The following FYB2 variants were observed in gnomAD, a reference collection of about 807,000 sequenced individuals.
FYB2 encodes the protein FYN binding protein 2.
FYB2 carries 103 observed loss-of-function variants against 94.1 expected under a neutral mutation model. That is an observed-to-expected ratio of 1.09 (90% CI 0.93 to 1.29). The LOEUF is 1.29. Ranked by LOEUF, FYB2 falls within the 50% of genes most tolerant of loss-of-function variation. The pLI, the probability that FYB2 is intolerant of heterozygous loss-of-function variation, is 0.00. For missense variants in FYB2, 896 were observed against 841.5 expected (o/e 1.06, Z -0.80); for synonymous variants, 293 against 287.9 (o/e 1.02, Z -0.18).
intron 1 of FYB2, among the ~76,000 whole-genome samples, chr1:56,800,713 C>G (rs1300118352): frequency 6.6e-6 from 1 of 152,132 alleles, no homozygotes; most frequent in Non-Finnish European, 1.5e-5. Flanking sequence ...TGCCCAGCCC[C>G]TGGCCAGTGC....
At chr1:56,763,684 C>G (rs143325225) in intron 5 of FYB2, among the ~76,000 whole-genome samples, 7 of 151,718 alleles carry the variant, frequency 4.6e-5, no homozygotes, top group Admixed American at 2.0e-4. Flanking sequence ...CCTTGCTAGA[C>G]GTTTATCAAT....
intron 8 of FYB2, 150 bp downstream of exon 8, chr1:56,753,689 T>C (rs1258722151): frequency 1.7e-6 from 1 of 603,034 alleles, no homozygotes; most frequent in South Asian, 2.2e-5. Context: ...CTTAGTGTCA[T>C]TGTTACATTT....
intron 3 of FYB2, 157 bp downstream of exon 3, chr1:56,788,816 T>G: frequency 9.4e-7 from 1 of 1,066,084 alleles, no homozygotes; most frequent in Non-Finnish European, 1.4e-6. Context: ...AGAGACATCG[T>G]TTCATGGGCA....
At chr1:56,760,501 C>A (rs368952990) in intron 5 of FYB2, among the ~76,000 whole-genome samples, 1 of 152,228 alleles carries the variant, frequency 6.6e-6, no homozygotes, top group Non-Finnish European at 1.5e-5. Context: ...GGTAATTGTA[C>A]ACTTATTAAT....
chr1:56,739,953 C>G (rs543000288), intron 13 of FYB2, among the ~76,000 whole-genome samples: 7 of 152,146 alleles, frequency 4.6e-5, no homozygotes, highest in African/African-American at 1.4e-4. Context: ...TGAGGTGCAC[C>G]TGAATATCTA....
chr1:56,723,985 C>A lies in FYB2; in HGVS notation c.1881-304G>T, dbSNP rs112420848. On this transcript the variant is annotated intron_variant, in intron 16 of 19. Coordinates refer to ENST00000343433, the MANE Select transcript of FYB2 (RefSeq NM_001004303.5). ...AATATTTTTGATGGCAAGATAATAA[C>A]GGGATAAAATCACATTGGTTAAACA... 3.3e-5 allele frequency among the ~76,000 whole-genome samples: 5 copies of A among 151,388 alleles called. No individual in the cohort carries two copies. In the East Asian group the frequency reaches 9.7e-4, roughly 29 times the overall value.
chr1:56,808,304 C>A (rs1358696217), intron 1 of FYB2, among the ~76,000 whole-genome samples: 1 of 152,146 alleles, frequency 6.6e-6, no homozygotes, highest in African/African-American at 2.4e-5. Flanking sequence ...TTCTAGTATA[C>A]TCCTACAGCC....
the FYB2 span, chr1:56,825,142 A>G: frequency 6.6e-6 from 1 of 152,216 alleles, no homozygotes; most frequent in Admixed American, 6.5e-5. Flanking sequence ...GTGGCAGTTA[A>G]TCACCTATAT....
At chr1:56,746,856 C>G (rs111356496) in intron 9 of FYB2, among the ~76,000 whole-genome samples, 1 of 151,940 alleles carries the variant, frequency 6.6e-6, no homozygotes, top group Non-Finnish European at 1.5e-5. Flanking sequence ...TTATGTTCAA[C>G]CTTAGTACTG....
intron 12 of FYB2, among the ~76,000 whole-genome samples, chr1:56,741,401 A>C (rs1935555): frequency 9.7e-4 from 147 of 151,914 alleles, no homozygotes; most frequent in African/African-American, 3.4e-3. Context: ...GAAAATCCTG[A>C]CTCTTGAAAT....
intron 14 of FYB2, 87 bp downstream of exon 14, chr1:56,738,538 G>A (rs1406888255): frequency 5.3e-6 from 7 of 1,319,724 alleles, no homozygotes; most frequent in Non-Finnish European, 7.3e-6. Context: ...ATGTGGGAAT[G>A]CAGGAAGGGT....
At chr1:56,730,389 GGAAGT>G (rs200811761) in intron 15 of FYB2, among the ~76,000 whole-genome samples, 13,232 of 103,878 alleles carry the variant, frequency 0.13, 984 homozygotes, top group East Asian at 0.24. Flanking sequence ...AAAGGTAAAG[GGAAGT>G]GGAGGGGAGG....
intron 15 of FYB2, chr1:56,731,782 C>T (rs891287556): frequency 2.0e-5 from 3 of 152,096 alleles, no homozygotes; most frequent in Non-Finnish European, 2.9e-5. Flanking sequence ...AAGCATTTGT[C>T]AAAATTCAAC....
intron 6 of FYB2, among the ~76,000 whole-genome samples, chr1:56,757,485 T>C (rs1452051804): frequency 6.6e-6 from 1 of 152,024 alleles, no homozygotes; most frequent in African/African-American, 2.4e-5. Flanking sequence ...ACATACTGTG[T>C]TTGCCTTACT....
chr1:56,788,935 C>G (rs1557649940), intron 3 of FYB2, 38 bp downstream of exon 3: 1 of 1,612,630 alleles, frequency 6.2e-7, no homozygotes, highest in South Asian at 1.1e-5. Flanking sequence ...GAGGTGACTC[C>G]TGGTTGGCCT....
rs146351514 is a variant in FYB2 at position 56,754,850 on chromosome 1, A to T, written c.1131-915T>A. Reference sequence around the variant, plus strand: ...TAAAAGCTCAATAAATGTTGAACTAAATAATGAATCATTTGACCTGTGCCT... The same window carrying T: ...TAAAAGCTCAATAAATGTTGAACTATATAATGAATCATTTGACCTGTGCCT... On this transcript the variant is annotated intron_variant, in intron 7 of 19. Coordinates refer to ENST00000343433, the MANE Select transcript of FYB2 (RefSeq NM_001004303.5). Among the ~76,000 whole-genome samples the T allele has an allele frequency of 1.5e-3, 226 of 152,200 alleles. 2 individuals are homozygous for T. Among genetic ancestry groups the T allele is most frequent in the African/African-American group, 5.1e-3 (213 of 41,538 alleles).
intron 4 of FYB2, among the ~76,000 whole-genome samples, chr1:56,774,943 T>G (rs1458343701): frequency 6.6e-6 from 1 of 152,150 alleles, no homozygotes; most frequent in African/African-American, 2.4e-5. Flanking sequence ...ACTCTTGGAC[T>G]TAAACCAGTG....
At chr1:56,810,605 GC>G (rs1342934090) in intron 1 of FYB2, among the ~76,000 whole-genome samples, 3 of 152,292 alleles carry the variant, frequency 2.0e-5, no homozygotes, top group Admixed American at 2.0e-4. Flanking sequence ...TAAATAAAGG[GC>G]TAAGGAAACC....
chr1:56,754,803 GA>G (rs1645285087), intron 7 of FYB2, among the ~76,000 whole-genome samples: 1 of 152,070 alleles, frequency 6.6e-6, no homozygotes, highest in Admixed American at 6.6e-5. Context: ...TTGTACCTCA[GA>G]ATCTAGCAGC....
Sources: allele counts gnomAD v4.1 joint callset (sites outside exome capture counted in the v4.1 genomes callset), GRCh38; gene constraint gnomAD v4.1.1; transcripts MANE v1.5; gene names NCBI Gene and HGNC (gene_info 2026-07-23, HGNC 2026-07-21).